The following CACNA1D variants were observed in gnomAD, a reference collection of about 807,000 sequenced individuals.
CACNA1D encodes the protein calcium voltage-gated channel subunit alpha1 D, also known as voltage-dependent L-type calcium channel subunit alpha-1D.
In CACNA1D, 55 loss-of-function variants were observed where a neutral mutation model predicts 257.1. The observed-to-expected ratio is 0.21, with a 90% confidence interval of 0.17 to 0.27. The LOEUF (loss-of-function observed/expected upper bound fraction) is 0.27, where lower values mean the gene tolerates loss of function less well. Ranked by LOEUF, CACNA1D falls within the 10% of genes least tolerant of loss-of-function variation. CACNA1D has a pLI of 1.00. For synonymous variants in CACNA1D, 980 were observed against 1,014.9 expected (o/e 0.97, Z 0.65); for missense variants, 1,876 against 2,784.0 (o/e 0.67, Z 7.34).
In CACNA1D at chr3:53,731,994, C is replaced by T. The variant is rs201367935; in HGVS notation, c.2407-22C>T. On this transcript the variant is annotated intron_variant, in intron 17 of 47. Transcript: ENST00000350061. ...ATTTTAAGTCAGTCTCCCCTCCTCCCAAGATGTCTTTGTCATCCTAGGTTA... is the reference window on the plus strand; with the variant it reads ...ATTTTAAGTCAGTCTCCCCTCCTCCTAAGATGTCTTTGTCATCCTAGGTTA... The T allele has an allele frequency of 2.2e-4, 338 of 1,519,048 alleles. 3 individuals are homozygous for T. The African/African-American group carries it at 4.2e-3, about 19-fold the overall frequency. 94.1% of individuals were successfully genotyped at this position (1,519,048 alleles called of 1,614,324 possible).
chr3:53,555,074 A>G (rs1264515426), intron 3 of CACNA1D, among the ~76,000 whole-genome samples: 1 of 152,244 alleles, frequency 6.6e-6, no homozygotes, highest in Non-Finnish European at 1.5e-5. Flanking sequence ...ACTTGTAATT[A>G]TATTAGAGCA....
At chr3:53,614,425 C>T (rs2093615469) in intron 3 of CACNA1D, among the ~76,000 whole-genome samples, 1 of 152,024 alleles carries the variant, frequency 6.6e-6, no homozygotes, top group Admixed American at 6.6e-5. Context: ...TAGAAACTCC[C>T]CGAGGTGTAG....
chr3:53,545,721 A>G (rs928710405), intron 3 of CACNA1D, among the ~76,000 whole-genome samples: 7 of 152,146 alleles, frequency 4.6e-5, no homozygotes, highest in East Asian at 1.9e-4. Context: ...GTTTGATGCA[A>G]TTAGCCAAAC....
intron 3 of CACNA1D, among the ~76,000 whole-genome samples, chr3:53,570,820 G>A (rs978723432): frequency 3.3e-5 from 5 of 152,192 alleles, no homozygotes; most frequent in Non-Finnish European, 5.9e-5. Context: ...TTCAAAGAAC[G>A]AGTCATTAGC....
At chr3:53,531,294 G>A (rs754656777) in intron 3 of CACNA1D, among the ~76,000 whole-genome samples, 50 of 152,144 alleles carry the variant, frequency 3.3e-4, no homozygotes, top group African/African-American at 9.6e-4. Context: ...AGAATAATGC[G>A]TTTGGAATTG....
intron 46 of CACNA1D, chr3:53,809,556 T>A (rs976404607): frequency 2.1e-5 from 6 of 279,442 alleles, no homozygotes; most frequent in Non-Finnish European, 3.5e-5. Context: ...CTAGGATGCA[T>A]TACTCCAGAG....
At chr3:53,635,016 T>G (rs1379187136) in intron 3 of CACNA1D, among the ~76,000 whole-genome samples, 4 of 152,140 alleles carry the variant, frequency 2.6e-5, no homozygotes, top group Non-Finnish European at 5.9e-5. Context: ...TACAAAAACA[T>G]ATGTTAAAAA....
chr3:53,774,218 C>G lies in CACNA1D; in HGVS notation c.4111-369C>G. The G allele has an allele frequency of 9.9e-6, 3 of 304,058 alleles. No homozygotes were observed. Among genetic ancestry groups the G allele is most frequent in the Non-Finnish European group, 1.9e-5 (3 of 157,746 alleles). 18.8% of individuals were successfully genotyped at this position (304,058 alleles called of 1,614,324 possible). A position where few individuals can be genotyped will look rare whatever the true frequency, so the allele number is the denominator to read the frequency against. On this transcript the variant is annotated intron_variant, in intron 33 of 47. Coordinates refer to ENST00000350061, the MANE Select transcript of CACNA1D (RefSeq NM_001128840.3). The surrounding 1 kb of genome is among the most constrained non-coding windows in gnomAD (Gnocchi z 4.3). Reference sequence around the variant, plus strand: ...GTTCTGAGTTTACATGTCACTTCCCCCTAGAGGCCTTCCCTGACCCAGCCC... The same window carrying G: ...GTTCTGAGTTTACATGTCACTTCCCGCTAGAGGCCTTCCCTGACCCAGCCC...
At chr3:53,591,343 C>T (rs568792766) in intron 3 of CACNA1D, among the ~76,000 whole-genome samples, 45 of 152,322 alleles carry the variant, frequency 3.0e-4, no homozygotes, top group Non-Finnish European at 6.0e-4. Context: ...ACCTCCGCCT[C>T]CTGGGTTCAA....
At chr3:53,741,694 T>TG (rs2095119911) in intron 21 of CACNA1D, among the ~76,000 whole-genome samples, 1 of 152,076 alleles carries the variant, frequency 6.6e-6, no homozygotes, top group African/African-American at 2.4e-5. Flanking sequence ...TGCACAGTGG[T>TG]GGGGGTCGGA....
At chr3:53,561,488 C>T (rs548639516) in intron 3 of CACNA1D, among the ~76,000 whole-genome samples, 1 of 152,120 alleles carries the variant, frequency 6.6e-6, no homozygotes, top group Non-Finnish European at 1.5e-5. Flanking sequence ...TCACAGACAG[C>T]GACTTTGGAA....
At chr3:53,566,808 T>A (rs2092850323) in intron 3 of CACNA1D, among the ~76,000 whole-genome samples, 1 of 152,196 alleles carries the variant, frequency 6.6e-6, no homozygotes, top group Non-Finnish European at 1.5e-5. Flanking sequence ...TAGGCAGCTC[T>A]TCCATGAGTA....
At chr3:53,502,191 T>C (rs2107136377) in intron 3 of CACNA1D, among the ~76,000 whole-genome samples, 1 of 152,114 alleles carries the variant, frequency 6.6e-6, no homozygotes, top group South Asian at 2.1e-4. Flanking sequence ...AACTAATAAA[T>C]CTACATAGAG....
chr3:53,744,579 A>G (rs762200144), intron 22 of CACNA1D, among the ~76,000 whole-genome samples, 161 bp from the exon 23 acceptor site: 18 of 152,212 alleles, frequency 1.2e-4, no homozygotes, highest in Non-Finnish European at 1.5e-4. Flanking sequence ...GGGGAGGAGA[A>G]GTCGCCTCTG....
In CACNA1D at chr3:53,520,492, A is replaced by G. The variant is rs537610729; in HGVS notation, c.483+18772A>G. 2.3e-3 allele frequency among the ~76,000 whole-genome samples: 354 copies of G among 152,352 alleles called. 2 individuals are homozygous for G. The highest frequency in any genetic ancestry group is 3.8e-3 in the Non-Finnish European group (256 of 68,034). ...TAAAATTATTGGTTTGTGGCAGGGC[A>G]TGGTGGCTCATGCCTGTAATCCCAG... On this transcript the variant is annotated intron_variant, in intron 3 of 47. Transcript: ENST00000350061.
intron 42 of CACNA1D, 119 bp downstream of exon 42, chr3:53,801,544 G>T (rs755052480): frequency 8.8e-5 from 116 of 1,319,356 alleles, no homozygotes; most frequent in Non-Finnish European, 1.2e-4. Context: ...GTTCCCCGTA[G>T]GCATTTGTGT....
intron 23 of CACNA1D, 58 bp downstream of exon 23, chr3:53,744,885 T>G: frequency 2.2e-6 from 2 of 915,128 alleles, no homozygotes; most frequent in Non-Finnish European, 3.7e-6. Context: ...CTGTAATTAC[T>G]GGCTCTTCTG....
chr3:53,681,376 G>A (rs1450708310), intron 8 of CACNA1D, among the ~76,000 whole-genome samples: 1 of 152,208 alleles, frequency 6.6e-6, no homozygotes, highest in Non-Finnish European at 1.5e-5. Context: ...CCTGCAGGCA[G>A]TTGAATTTGA....
intron 42 of CACNA1D, among the ~76,000 whole-genome samples, chr3:53,801,856 T>C (rs1439141442): frequency 6.6e-6 from 1 of 152,240 alleles, no homozygotes; most frequent in Non-Finnish European, 1.5e-5. Context: ...TGTGTGGCTG[T>C]GCCCATTAAA....
Sources: allele counts gnomAD v4.1 joint callset (sites outside exome capture counted in the v4.1 genomes callset), GRCh38; gene constraint gnomAD v4.1.1; non-coding constraint Gnocchi (gnomAD v3.1); transcripts MANE v1.5; gene names NCBI Gene and HGNC (gene_info 2026-07-23, HGNC 2026-07-21).